SPOCK1: variants seen among roughly 807,000 people sequenced by gnomAD.
SPOCK1 encodes SPARC (osteonectin), cwcv and kazal like domains proteoglycan 1, also known as testican-1.
Under a neutral mutation model 55.3 loss-of-function variants are expected in SPOCK1, and 23 were observed. That is an observed-to-expected ratio of 0.42 (90% CI 0.30 to 0.59). SPOCK1 has a LOEUF of 0.59. Among genes scored for constraint, SPOCK1 ranks in the 20% least tolerant of loss-of-function variants. SPOCK1 has a pLI of 0.22. For missense variants in SPOCK1, 499 were observed against 552.5 expected (o/e 0.90, Z 0.97); for synonymous variants, 226 against 221.0 (o/e 1.02, Z -0.20).
chr5:137,155,347 C>G (rs868613650), intron 3 of SPOCK1, among the ~76,000 whole-genome samples: 1 of 152,194 alleles, frequency 6.6e-6, no homozygotes, highest in Non-Finnish European at 1.5e-5. Context: ...AGTCCCCCGT[C>G]CCCTGCTGGT....
At chr5:137,057,586 A>G (rs1252080763) in intron 6 of SPOCK1, among the ~76,000 whole-genome samples, 1 of 152,194 alleles carries the variant, frequency 6.6e-6, no homozygotes, top group Non-Finnish European at 1.5e-5. Context: ...CTCTACTTTT[A>G]TAGCTAAAAT....
At chr5:137,071,283 C>T (rs1752611730) in intron 5 of SPOCK1, among the ~76,000 whole-genome samples, 1 of 152,148 alleles carries the variant, frequency 6.6e-6, no homozygotes, top group Non-Finnish European at 1.5e-5. Flanking sequence ...CAAGAGCCAT[C>T]ATATCCAGCC....
chr5:137,079,537 C>CA (rs113227004), intron 5 of SPOCK1, among the ~76,000 whole-genome samples: 1 of 91,848 alleles, frequency 1.1e-5, no homozygotes, highest in Non-Finnish European at 2.9e-5. Context: ...TCTGATTCCC[C>CA]CCCCCCCCGA....
At chr5:137,030,003 A>C (rs1389056174) in intron 6 of SPOCK1, among the ~76,000 whole-genome samples, 2 of 152,228 alleles carry the variant, frequency 1.3e-5, no homozygotes, top group African/African-American at 4.8e-5. Flanking sequence ...CTGCTATTTC[A>C]TGAAAGCATG....
intron 3 of SPOCK1, among the ~76,000 whole-genome samples, chr5:137,172,219 C>T (rs1754766811): frequency 6.6e-6 from 1 of 152,162 alleles, no homozygotes; most frequent in African/African-American, 2.4e-5. Context: ...GGTTCTCAAG[C>T]TTAACCCACA....
chr5:137,042,820 T>C (rs10067134), intron 6 of SPOCK1, among the ~76,000 whole-genome samples: 3,766 of 152,168 alleles, frequency 0.025, 143 homozygotes, highest in African/African-American at 0.086. Context: ...TATAGATACA[T>C]ATAGAATAAT....
intron 6 of SPOCK1, among the ~76,000 whole-genome samples, chr5:137,024,090 G>A (rs1253975325): frequency 6.6e-6 from 1 of 151,178 alleles, no homozygotes; most frequent in Non-Finnish European, 1.5e-5. Context: ...TATTAATAAG[G>A]TAGCTTCTCT....
chr5:137,420,889 A>G (rs1182881022), intron 2 of SPOCK1, among the ~76,000 whole-genome samples: 3 of 151,948 alleles, frequency 2.0e-5, no homozygotes. Context: ...TTGTGATGTC[A>G]GGTTGTCAAT....
At chr5:137,057,297 T>C (rs1200392521) in intron 6 of SPOCK1, among the ~76,000 whole-genome samples, 5 of 152,264 alleles carry the variant, frequency 3.3e-5, no homozygotes, top group African/African-American at 9.6e-5. Flanking sequence ...TTTGAACACA[T>C]CTCAGTTCCC....
At chr5:137,449,811 C>G (rs938334920) in intron 2 of SPOCK1, among the ~76,000 whole-genome samples, 1 of 132,392 alleles carries the variant, frequency 7.6e-6, no homozygotes, top group East Asian at 2.5e-4. Flanking sequence ...AGGAGGATCA[C>G]TTGAGCCCAG....
chr5:137,366,061 G>T (rs1031856951), intron 2 of SPOCK1, among the ~76,000 whole-genome samples: 3 of 152,186 alleles, frequency 2.0e-5, no homozygotes, highest in African/African-American at 7.2e-5. Flanking sequence ...GGGAGGCAGG[G>T]ACAGGGGACA....
At chr5:137,120,467 G>A (rs910303593) in intron 4 of SPOCK1, among the ~76,000 whole-genome samples, 1 of 152,192 alleles carries the variant, frequency 6.6e-6, no homozygotes, top group Non-Finnish European at 1.5e-5. Flanking sequence ...GGGACTCCAC[G>A]ATGTACCTCT....
chr5:137,324,044 T>C (rs1244294780), intron 2 of SPOCK1, among the ~76,000 whole-genome samples: 1 of 152,158 alleles, frequency 6.6e-6, no homozygotes. Flanking sequence ...TGCAGCATGA[T>C]CTATAAAAGC....
chr5:137,277,886 C>A (rs538525615), intron 2 of SPOCK1, among the ~76,000 whole-genome samples: 1 of 152,256 alleles, frequency 6.6e-6, no homozygotes, highest in African/African-American at 2.4e-5. Context: ...GCAGGAGATG[C>A]ACAGGAGTCT....
At chr5:137,378,847 A>C (rs1458798091) in intron 2 of SPOCK1, among the ~76,000 whole-genome samples, 5 of 152,186 alleles carry the variant, frequency 3.3e-5, no homozygotes, top group Admixed American at 2.6e-4. Context: ...GTAGCTAGAG[A>C]GAGAGAAGAA....
intron 2 of SPOCK1, among the ~76,000 whole-genome samples, chr5:137,374,601 T>C (rs922124854): frequency 2.0e-5 from 3 of 152,142 alleles, no homozygotes; most frequent in Non-Finnish European, 2.9e-5. Flanking sequence ...CATGAATCCA[T>C]GGCTTTCTGA....
chr5:137,060,772 C>T (rs1373299237), intron 6 of SPOCK1, among the ~76,000 whole-genome samples: 1 of 152,174 alleles, frequency 6.6e-6, no homozygotes, highest in East Asian at 1.9e-4. Context: ...GCTTATCCTT[C>T]TTTCTCTGTT....
At chr5:137,058,067 C>A (rs1187040693) in intron 6 of SPOCK1, among the ~76,000 whole-genome samples, 2 of 152,154 alleles carry the variant, frequency 1.3e-5, no homozygotes, top group Middle Eastern at 3.2e-3. Flanking sequence ...AGGCTGTGAT[C>A]TCGTAAAGGG....
At chr5:136,987,779 T>G (rs925031166) in intron 8 of SPOCK1, among the ~76,000 whole-genome samples, 1 of 152,200 alleles carries the variant, frequency 6.6e-6, no homozygotes, top group Non-Finnish European at 1.5e-5. Flanking sequence ...TAACTGTGAC[T>G]GCCATACTCA....
Sources: gnomAD v4.1 joint callset for allele counts (sites outside exome capture counted in the v4.1 genomes callset) on GRCh38, gnomAD v4.1.1 for gene constraint, MANE v1.5 for transcripts, NCBI Gene and HGNC (gene_info 2026-07-23, HGNC 2026-07-21) for gene names.